The following PIGS variants were observed in gnomAD, a reference collection of about 807,000 sequenced individuals.
PIGS encodes GPI-anchor transamidase component PIGS.
PIGS carries 37 observed loss-of-function variants against 58.2 expected under a neutral mutation model. The observed-to-expected ratio is 0.64, with a 90% CI of 0.49 to 0.84. PIGS has a LOEUF of 0.84. Ranked by LOEUF, PIGS falls within the 40% of genes least tolerant of loss-of-function variation. The pLI is 0.00. For synonymous variants in PIGS, 269 were observed against 289.2 expected (o/e 0.93, Z 0.71); for missense variants, 629 against 710.8 (o/e 0.88, Z 1.31).
intron 1 of PIGS, 37 bp from the exon 2 acceptor site, chr17:28,571,225 G>C (rs761383707): frequency 1.2e-6 from 2 of 1,602,008 alleles, no homozygotes; most frequent in Non-Finnish European, 1.7e-6. Context: ...CGCTGGAAAC[G>C]GGCTAGGGTA....
At chr17:28,571,287 C>G in intron 1 of PIGS, 99 bp from the exon 2 acceptor site, 3 of 1,534,834 alleles carry the variant, frequency 2.0e-6, no homozygotes, top group Non-Finnish European at 2.6e-6. Context: ...TCCAGGGGCC[C>G]GCGTTCATTG....
chr17:28,556,997 T>C, intron 8 of PIGS, 25 bp from the exon 9 acceptor site: 1 of 1,613,454 alleles, frequency 6.2e-7, no homozygotes, highest in Non-Finnish European at 8.5e-7. Flanking sequence ...GAAAGCAGAA[T>C]ATCAAAACAT....
intron 3 of PIGS, among the ~76,000 whole-genome samples, chr17:28,568,005 A>G (rs1383114690): frequency 1.3e-5 from 2 of 152,190 alleles, no homozygotes; most frequent in Non-Finnish European, 2.9e-5. Flanking sequence ...CACCCTATCT[A>G]AAACTGCAAT....
chr17:28,562,370 G>A (rs1283183373), intron 5 of PIGS, among the ~76,000 whole-genome samples: 3 of 152,218 alleles, frequency 2.0e-5, no homozygotes, highest in Non-Finnish European at 4.4e-5. Context: ...TTTGTGAGCT[G>A]GGGGTGGGGA....
Position 28,554,119 on chromosome 17 carries a change from AAT to A in PIGS, c.*99_*100del, listed in dbSNP as rs2070308847. The A allele has an allele frequency of 1.4e-6, 2 of 1,458,366 alleles. No homozygotes were observed. The highest frequency in any genetic ancestry group is 9.3e-7 in the Non-Finnish European group (1 of 1,074,234). The allele number at this position is 1,458,366 out of a possible 1,614,324, so 90.3% of individuals were successfully genotyped here. ...GAGCCAACAGTGGAGACTGGAGACA[AAT>A]ATTTAAGTCATTCCGGCAGGCCCCA... On this transcript the variant is annotated 3_prime_UTR_variant, in exon 12 of 12. Coordinates refer to ENST00000308360, the MANE Select transcript of PIGS (RefSeq NM_033198.4).
chr17:28,560,323 G>C, intron 6 of PIGS, 132 bp from the exon 7 acceptor site: 1 of 1,112,762 alleles, frequency 9.0e-7, no homozygotes, highest in Non-Finnish European at 1.3e-6. Context: ...ACCAAAAGGA[G>C]GACAAAACTG....
intron 4 of PIGS, 106 bp from the exon 5 acceptor site, chr17:28,563,628 G>A: frequency 7.9e-7 from 1 of 1,261,510 alleles, no homozygotes; most frequent in Non-Finnish European, 1.1e-6. Flanking sequence ...AGCTGACACA[G>A]TGGTCAGGCT....
chr17:28,569,149 G>C (rs920080577), intron 3 of PIGS, among the ~76,000 whole-genome samples: 1 of 150,236 alleles, frequency 6.7e-6, no homozygotes, highest in East Asian at 2.0e-4. Context: ...GTGTACAGAG[G>C]CTGAACCATA....
In PIGS at chr17:28,554,335, T is replaced by A; in HGVS notation, c.1553A>T (p.Lys518Met). 1 of 1,614,102 alleles carries A rather than the reference T, an allele frequency of 6.2e-7. No individual in the cohort carries two copies. The highest frequency in any genetic ancestry group is 1.3e-5 in the African/African-American group (1 of 74,984). The change falls in exon 12 of 12, where the codon AAG (lysine) becomes ATG (methionine). Residue 518 changes from lysine to methionine, a missense_variant. Coordinates refer to ENST00000308360, the MANE Select transcript of PIGS (RefSeq NM_033198.4). The part of the protein sequence containing the change: ...LHLLYFPDDQ[K>M]FAIYIPLFLP... ...GAAGAGTGGGATGTAGATGGCAAAC[T>A]TCTGGTCATCAGGGAAATAAAGGAG... is the stretch of plus-strand genomic sequence containing the variant.
chr17:28,563,834 T>C lies in PIGS; in HGVS notation c.360A>G (p.Ser120=). The change falls in exon 4 of 12, where the codon TCA becomes TCG. Residue 120 remains serine, a synonymous_variant. Transcript: ENST00000308360. ...RALDHEEEAL[S]SGSVQEAEAM... Reference sequence around the variant, plus strand: ...TTCCCATACCTTGCACACTGCCCGATGACAGGGCCTCCTCCTCATGGTCCA... The same window carrying C: ...TTCCCATACCTTGCACACTGCCCGACGACAGGGCCTCCTCCTCATGGTCCA... 2 of 1,613,978 alleles carry C rather than the reference T, an allele frequency of 1.2e-6. No individual in the cohort carries two copies. Among genetic ancestry groups the C allele is most frequent in the South Asian group, 2.2e-5 (2 of 91,080 alleles).
rs1053577590 is a variant in PIGS at position 28,562,687 on chromosome 17, G to A, written c.468+744C>T. Among the ~76,000 whole-genome samples, 3 of 151,914 alleles carry A rather than the reference G, an allele frequency of 2.0e-5. No individual in the cohort carries two copies. The East Asian group carries it at 5.8e-4, about 29-fold the overall frequency. ...GACCTCAAGTGATCCGCCTGCCTCGGCCTCCCAAAGTGCTGGGATTACAGG... is the reference window on the plus strand; with the variant it reads ...GACCTCAAGTGATCCGCCTGCCTCGACCTCCCAAAGTGCTGGGATTACAGG... On this transcript the variant is annotated intron_variant, in intron 5 of 11. Transcript: ENST00000308360.
chr17:28,570,902 T>C lies in PIGS; in HGVS notation c.236A>G (p.Gln79Arg). 1 of 1,614,236 alleles carries C rather than the reference T, an allele frequency of 6.2e-7. No homozygotes were observed. The highest frequency in any genetic ancestry group is 1.3e-5 in the African/African-American group (1 of 75,056). Residue 79 changes from glutamine to arginine, a missense_variant, in exon 3 of 12, where the codon CAG (glutamine) becomes CGG (arginine). Gln to Arg is a conservative substitution (Grantham distance 43). Coordinates refer to ENST00000308360, the MANE Select transcript of PIGS (RefSeq NM_033198.4). ...CACAACGGTGAAGGGCAGCTTCTCC[T>C]GGTCGTCCAGGGGCACTGACTCCCG... ...FTRESVPLDD[Q>R]EKLPFTVVHE...
At chr17:28,566,088 A>C (rs1356294648) in intron 3 of PIGS, among the ~76,000 whole-genome samples, 1 of 151,778 alleles carries the variant, frequency 6.6e-6, no homozygotes, top group Non-Finnish European at 1.5e-5. Flanking sequence ...AGCTGGGCAC[A>C]GTGGCACATT....
chr17:28,560,227 T>A, intron 6 of PIGS, 36 bp from the exon 7 acceptor site: 1 of 1,598,388 alleles, frequency 6.3e-7, no homozygotes, highest in Non-Finnish European at 8.5e-7. Flanking sequence ...CAGAGGCTCT[T>A]GTGGATCAAA....
At chr17:28,563,760 A>G in intron 4 of PIGS, 58 bp downstream of exon 4, 1 of 1,511,770 alleles carries the variant, frequency 6.6e-7, no homozygotes, top group East Asian at 2.3e-5. Flanking sequence ...ATGCACTTAG[A>G]GATCAGAAGG....
chr17:28,554,724 G>T, intron 11 of PIGS, 127 bp downstream of exon 11: 1 of 1,332,716 alleles, frequency 7.5e-7, no homozygotes, highest in Non-Finnish European at 1.1e-6. Context: ...CTAGAGGAAG[G>T]CTGGGACACT....
Position 28,563,873 on chromosome 17 carries a change from G to T in PIGS, c.321C>A (p.Ala107=). 6.2e-7 allele frequency: 1 copy of T among 1,614,132 alleles called. No homozygotes were observed. The highest frequency in any genetic ancestry group is 1.3e-5 in the African/African-American group (1 of 75,036). The part of the protein sequence containing the change: ...KMKIKCRFQK[A]YRRALDHEEE... ...CCTCATGGTCCAAAGCCCTCCGATA[G>T]GCCTTCTGGAAACGGCATTTGATTT... The change falls in exon 4 of 12, where the codon GCC becomes GCA. Residue 107 remains alanine, a synonymous_variant. Coordinates refer to ENST00000308360, the MANE Select transcript of PIGS (RefSeq NM_033198.4).
In PIGS at chr17:28,554,951, G is replaced by A; in HGVS notation, c.1292C>T (p.Ser431Leu). The part of the protein sequence containing the change: ...WELDRLLWAR[S>L]VENLATATTT... ...GGTGGCTGTGGCCAGGTTCTCCACTGACCGAGCCCAGAGCAGCCGGTCTAG... is the reference window on the plus strand; with the variant it reads ...GGTGGCTGTGGCCAGGTTCTCCACTAACCGAGCCCAGAGCAGCCGGTCTAG... The change falls in exon 11 of 12, where the codon TCA (serine) becomes TTA (leucine). Residue 431 changes from serine (S) to leucine (L), a missense_variant. Transcript: ENST00000308360. The A allele has an allele frequency of 6.2e-7, 1 of 1,613,166 alleles. No individual in the cohort carries two copies.
rs576807318 is a variant in PIGS at position 28,562,223 on chromosome 17, T to C, written c.469-594A>G. Among the ~76,000 whole-genome samples the C allele has an allele frequency of 6.6e-5, 10 of 152,254 alleles. No homozygotes were observed. In the East Asian group the frequency reaches 1.2e-3, roughly 18 times the overall value. ...ATTCAAAAATGTAAAATTAAATACA[T>C]TGTTTACAGAGATACAGCATATGTG... On this transcript the variant is annotated intron_variant, in intron 5 of 11. Coordinates refer to ENST00000308360, the MANE Select transcript of PIGS (RefSeq NM_033198.4).
Sources: allele counts gnomAD v4.1 joint callset (sites outside exome capture counted in the v4.1 genomes callset), GRCh38; gene constraint gnomAD v4.1.1; transcripts MANE v1.5; gene names NCBI Gene and HGNC (gene_info 2026-07-23, HGNC 2026-07-21).